KIAA1217: variants seen among roughly 807,000 people sequenced by gnomAD.
KIAA1217 encodes KIAA1217.
In KIAA1217, 88 loss-of-function variants were observed where a neutral mutation model predicts 163.9. The observed-to-expected ratio is 0.54, with a 90% CI of 0.45 to 0.64. The LOEUF is 0.64. KIAA1217 is among the 30% of genes least tolerant of loss of function. KIAA1217 has a pLI of 0.00. For synonymous variants in KIAA1217, 903 were observed against 923.1 expected, an observed-to-expected ratio of 0.98 and a Z score of 0.39; for missense variants, 2,372 against 2,475.0, an observed-to-expected ratio of 0.96 and a Z score of 0.88.
chr10:24,143,135 A>G (rs1010087739), intron 2 of KIAA1217, among the ~76,000 whole-genome samples: 1 of 152,184 alleles, frequency 6.6e-6, no homozygotes, highest in Non-Finnish European at 1.5e-5. Flanking sequence ...GAGGAGGGAC[A>G]TGTGTCCATT....
At chr10:24,394,174 G>A (rs1236512096) in intron 3 of KIAA1217, among the ~76,000 whole-genome samples, 5 of 152,138 alleles carry the variant, frequency 3.3e-5, no homozygotes, top group Admixed American at 6.5e-5. Flanking sequence ...AATTCAGCCC[G>A]TGGAAGTTGT....
intron 1 of KIAA1217, among the ~76,000 whole-genome samples, chr10:23,991,980 G>A (rs189210456): frequency 1.2e-3 from 179 of 152,244 alleles, no homozygotes; most frequent in Non-Finnish European, 2.1e-3. Flanking sequence ...ATGGTGGAGA[G>A]TAGAGAACAT....
At chr10:23,717,264 G>A (rs983928336) in intron 1 of KIAA1217, among the ~76,000 whole-genome samples, 1 of 152,014 alleles carries the variant, frequency 6.6e-6, no homozygotes, top group African/African-American at 2.4e-5. Context: ...GTTGAATTCC[G>A]CTTTTAGATT....
intron 1 of KIAA1217, among the ~76,000 whole-genome samples, chr10:23,892,395 C>A (rs1018622206): frequency 6.6e-6 from 1 of 151,860 alleles, no homozygotes; most frequent in African/African-American, 2.4e-5. Context: ...GTACAGTAAA[C>A]TGGAAGGCTG....
intron 1 of KIAA1217, among the ~76,000 whole-genome samples, chr10:23,786,538 CAA>C (rs4019609): frequency 3.5e-4 from 44 of 126,806 alleles, no homozygotes; most frequent in African/African-American, 6.9e-4. Context: ...CAGAAGTAGC[CAA>C]AAAAAAAAAA....
At chr10:23,866,335 A>G (rs1840184112) in intron 1 of KIAA1217, among the ~76,000 whole-genome samples, 1 of 152,182 alleles carries the variant, frequency 6.6e-6, no homozygotes, top group African/African-American at 2.4e-5. Flanking sequence ...TTATGTCTAG[A>G]TGATTCTACA....
intron 1 of KIAA1217, among the ~76,000 whole-genome samples, chr10:23,895,487 G>A (rs2131227099): frequency 6.6e-6 from 1 of 152,166 alleles, no homozygotes; most frequent in East Asian, 1.9e-4. Flanking sequence ...AAAAAGTCAG[G>A]AAACAACAGG....
chr10:24,086,353 C>T (rs1351868942), intron 2 of KIAA1217, among the ~76,000 whole-genome samples: 2 of 152,204 alleles, frequency 1.3e-5, no homozygotes, highest in East Asian at 3.9e-4. Flanking sequence ...TACAGACACT[C>T]GTTCATTATC....
At chr10:24,345,675 C>G (rs1167943222) in intron 2 of KIAA1217, among the ~76,000 whole-genome samples, 1 of 152,126 alleles carries the variant, frequency 6.6e-6, no homozygotes, top group African/African-American at 2.4e-5. Context: ...TTTGAACTTT[C>G]CTTATATAGT....
At chr10:23,815,795 A>G (rs999350324) in intron 1 of KIAA1217, among the ~76,000 whole-genome samples, 1 of 152,242 alleles carries the variant, frequency 6.6e-6, no homozygotes, top group Non-Finnish European at 1.5e-5. Flanking sequence ...TTATTGTCCC[A>G]AGGTAAATTT....
chr10:23,990,500 C>G (rs371435037), intron 1 of KIAA1217, among the ~76,000 whole-genome samples: 1 of 152,094 alleles, frequency 6.6e-6, no homozygotes, highest in South Asian at 2.1e-4. Context: ...AGAATCCACA[C>G]CCTTCTCCTA....
Position 23,988,592 on chromosome 10 carries a change from AC to A in KIAA1217, c.-320-18632del, listed in dbSNP as rs556583013. Among the ~76,000 whole-genome samples the A allele has an allele frequency of 1.7e-4, 26 of 152,344 alleles. No homozygotes were observed. The South Asian group carries it at 3.7e-3, about 22-fold the overall frequency. On this transcript the variant is annotated intron_variant, in intron 1 of 18. Coordinates refer to the KIAA1217 transcript ENST00000376462. ...AAACAAATAAATATGCAAAATGCAT[AC>A]AAACCATGTGAAGTACAAGAGAAAT...
intron 14 of KIAA1217, among the ~76,000 whole-genome samples, chr10:24,528,810 A>G (rs1255137466): frequency 1.3e-5 from 2 of 152,222 alleles, no homozygotes; most frequent in Admixed American, 1.3e-4. Flanking sequence ...TTTTGCAGAA[A>G]GAAAATGGTA....
chr10:24,410,602 G>A (rs1240345944), intron 3 of KIAA1217, among the ~76,000 whole-genome samples: 1 of 152,150 alleles, frequency 6.6e-6, no homozygotes, highest in Non-Finnish European at 1.5e-5. Flanking sequence ...CACTTTGAAG[G>A]TGTTCTCTAT....
At position 24,546,605 on chromosome 10, in the gene KIAA1217, GT is replaced by G. The variant is rs2075732730; in HGVS notation, c.*282del. 1.5e-5 allele frequency: 5 copies of G among 335,814 alleles called. No homozygotes were observed. Among genetic ancestry groups the G allele is most frequent in the Non-Finnish European group, 2.7e-5 (5 of 184,994 alleles). The allele number at this position is 335,814 out of a possible 1,614,324, so 20.8% of individuals were successfully genotyped here. On this transcript the variant is annotated 3_prime_UTR_variant, in exon 21 of 21. Coordinates refer to ENST00000376454, the MANE Select transcript of KIAA1217 (RefSeq NM_019590.5). The stretch of plus-strand genomic sequence containing the variant: ...AGGTTCTGGTGGGAGAGAAAGGTGC[GT>G]GTGAGACAGGAGAATTGTCTTAAGC...
intron 2 of KIAA1217, among the ~76,000 whole-genome samples, chr10:24,030,883 T>C (rs1473062780): frequency 1.3e-5 from 2 of 152,250 alleles, no homozygotes; most frequent in Admixed American, 6.5e-5. Context: ...TTCCATTTTA[T>C]GTATATACCA....
At chr10:23,881,547 T>G (rs988188670) in intron 1 of KIAA1217, among the ~76,000 whole-genome samples, 1 of 152,010 alleles carries the variant, frequency 6.6e-6, no homozygotes, top group African/African-American at 2.4e-5. Context: ...AGGGATTCGC[T>G]GGAATCAAGA....
At chr10:24,376,310 CTTAGAG>C (rs781234793) in intron 2 of KIAA1217, among the ~76,000 whole-genome samples, 2 of 152,146 alleles carry the variant, frequency 1.3e-5, no homozygotes, top group East Asian at 1.9e-4. Context: ...ATGATGTGTA[CTTAGAG>C]TTAGAAAGTT....
intron 1 of KIAA1217, among the ~76,000 whole-genome samples, chr10:24,210,223 G>A (rs184661498): frequency 3.6e-4 from 55 of 152,278 alleles, no homozygotes; most frequent in Middle Eastern, 3.4e-3. Context: ...AGTAACACAT[G>A]ACTCATCCAC....
Sources: allele counts gnomAD v4.1 joint callset (sites outside exome capture counted in the v4.1 genomes callset), GRCh38; gene constraint gnomAD v4.1.1; transcripts MANE v1.5; gene names NCBI Gene and HGNC (gene_info 2026-07-23, HGNC 2026-07-21).